Variants in PGM1 observed in about 807,000 individuals in gnomAD.
The protein encoded by PGM1 is phosphoglucomutase 1.
Under a neutral mutation model 55.6 loss-of-function variants are expected in PGM1, and 52 were observed. That is an observed-to-expected ratio of 0.94 (90% CI 0.75 to 1.18). The LOEUF is 1.18. Ranked by LOEUF, PGM1 falls within the 50% of genes most tolerant of loss-of-function variation. PGM1 has a pLI of 0.00. For missense variants in PGM1, 724 were observed against 729.3 expected, an observed-to-expected ratio of 0.99 and a Z score of 0.08; for synonymous variants, 287 against 271.7, an observed-to-expected ratio of 1.06 and a Z score of -0.55.
intron 7 of PGM1, 152 bp downstream of exon 7, chr1:63,638,952 C>G: frequency 1.4e-6 from 1 of 720,206 alleles, no homozygotes; most frequent in Non-Finnish European, 2.6e-6. Context: ...ATGAAATGTG[C>G]ACATTTGAAA....
In PGM1 at chr1:63,632,952, G is replaced by A. The variant is rs185862997; in HGVS notation, c.682+1170G>A. Among the ~76,000 whole-genome samples the A allele has an allele frequency of 2.6e-3, 397 of 152,302 alleles. 2 individuals are homozygous for A. The highest frequency in any genetic ancestry group is 0.012 in the South Asian group (56 of 4,824). Reference sequence around the variant, plus strand: ...GCAGGAGACTAGCTTGAATCCGGAAGGCGGAAGTTGTAGTGAGCGGAGATC... The same window carrying A: ...GCAGGAGACTAGCTTGAATCCGGAAAGCGGAAGTTGTAGTGAGCGGAGATC... On this transcript the variant is annotated intron_variant, in intron 4 of 10. Coordinates refer to ENST00000371084, the MANE Select transcript of PGM1 (RefSeq NM_002633.3).
At position 63,648,547 on chromosome 1, in the gene PGM1, T is replaced by G. The variant is rs749162319; in HGVS notation, c.1175T>G (p.Leu392Arg). ...GACCACATCCGTGAGAAAGATGGAC[T>G]GTGGGCTGTCCTTGCCTGGCTCTCC... is the stretch of plus-strand genomic sequence containing the variant. ...GSDHIREKDG[L>R]WAVLAWLSIL... Residue 392 changes from leucine (L) to arginine (R), a missense_variant, in exon 8 of 11, where the codon CTG becomes CGG. Around this residue, in one of 3 missense-constraint regions of PGM1, gnomAD observed 316 missense variants for 313.1 expected, o/e 1.01. Transcript: ENST00000371084. 1.2e-6 allele frequency: 2 copies of G among 1,614,082 alleles called. No individual in the cohort carries two copies. The highest frequency in any genetic ancestry group is 1.3e-5 in the African/African-American group (1 of 75,046).
rs201339298 is a variant in PGM1 at position 63,618,528 on chromosome 1, TC to T, written c.247-10890del. On this transcript the variant is annotated intron_variant, in intron 1 of 10. Transcript: ENST00000371084. The stretch of plus-strand genomic sequence containing the variant: ...TTCAAATGCCAAATATACCTAGTTT[TC>T]CCCCCCTTACTCCAAAAATATTAAT... 5.2e-3 allele frequency among the ~76,000 whole-genome samples: 790 copies of T among 152,180 alleles called. 9 individuals are homozygous for T. Among genetic ancestry groups the T allele is most frequent in the African/African-American group, 0.018 (758 of 41,504 alleles).
chr1:63,634,688 C>T, intron 4 of PGM1, 141 bp from the exon 5 acceptor site: 2 of 717,562 alleles, frequency 2.8e-6, no homozygotes, highest in Non-Finnish European at 2.5e-6. Flanking sequence ...TCCACTAGTC[C>T]CTGAACACAT....
intron 7 of PGM1, among the ~76,000 whole-genome samples, chr1:63,640,144 T>A (rs1421898284): frequency 1.3e-5 from 2 of 152,200 alleles, no homozygotes; most frequent in Non-Finnish European, 2.9e-5. Flanking sequence ...CCCATGAAAC[T>A]CCCCACAGGG....
At chr1:63,593,969 G>A in intron 1 of PGM1, 1 of 1,197,910 alleles carries the variant, frequency 8.3e-7, no homozygotes, top group Non-Finnish European at 1.0e-6. Flanking sequence ...GACTCCCGGG[G>A]CGCCGGGAGG....
chr1:63,594,960 CAAAAAAAAAA>C (rs56084088), intron 1 of PGM1, among the ~76,000 whole-genome samples: 1 of 93,120 alleles, frequency 1.1e-5, no homozygotes, highest in Non-Finnish European at 2.1e-5. Flanking sequence ...GACTCCGTCT[CAAAAAAAAAA>C]AAAAAGAAAA....
In PGM1 at chr1:63,648,389, C is replaced by T. The variant is rs78107456; in HGVS notation, c.1145-128C>T. On this transcript the variant is annotated intron_variant, in intron 7 of 10. Coordinates refer to ENST00000371084, the MANE Select transcript of PGM1 (RefSeq NM_002633.3). ...GGAACTTTGTCCCCCATGATCCAAT[C>T]ACTTCCCATCACGTCCCTCCCTCAA... The T allele has an allele frequency of 3.9e-5, 37 of 958,882 alleles. No individual in the cohort carries two copies. In the African/African-American group the frequency reaches 5.3e-4, roughly 14 times the overall value. The allele number at this position is 958,882 out of a possible 1,614,324, so 59.4% of individuals were successfully genotyped here.
chr1:63,593,755 C>A (rs773083978), intron 1 of PGM1, 21 bp downstream of exon 1: 19 of 1,574,416 alleles, frequency 1.2e-5, no homozygotes, highest in Non-Finnish European at 1.6e-5. Flanking sequence ...CGCGGCCCCG[C>A]GCCGCTGTGC....
intron 7 of PGM1, among the ~76,000 whole-genome samples, chr1:63,644,488 C>T (rs1159075503): frequency 6.6e-6 from 1 of 152,130 alleles, no homozygotes; most frequent in African/African-American, 2.4e-5. Context: ...GAGGAAAGAG[C>T]ATATTAGGTT....
At chr1:63,600,061 A>G (rs1454644413) in intron 1 of PGM1, 3 of 152,210 alleles carry the variant, frequency 2.0e-5, no homozygotes, top group Non-Finnish European at 2.9e-5. Flanking sequence ...CCTAAAACCA[A>G]TTATGTCTTG....
chr1:63,594,665 G>C (rs1267053971), intron 1 of PGM1, among the ~76,000 whole-genome samples: 1 of 151,818 alleles, frequency 6.6e-6, no homozygotes, highest in Non-Finnish European at 1.5e-5. Context: ...TGTGGGGCCG[G>C]GCATGGTGGC....
chr1:63,649,925 G>A (rs1159065157), intron 8 of PGM1, among the ~76,000 whole-genome samples: 1 of 152,180 alleles, frequency 6.6e-6, no homozygotes, highest in Non-Finnish European at 1.5e-5. Context: ...ACTCATAGTA[G>A]AGACTGCATA....
chr1:63,648,251 C>T (rs1052234360), intron 7 of PGM1, among the ~76,000 whole-genome samples: 1 of 152,258 alleles, frequency 6.6e-6, no homozygotes, highest in Non-Finnish European at 1.5e-5. Flanking sequence ...AAGAGGCAGC[C>T]GGCACCTTCT....
chr1:63,633,924 A>T (rs1557433684), intron 4 of PGM1, among the ~76,000 whole-genome samples: 3 of 67,356 alleles, frequency 4.5e-5, no homozygotes, highest in African/African-American at 2.7e-4. Flanking sequence ...GTGTGTATAT[A>T]TATATATATT....
rs756875667 is a variant in PGM1, at chr1:63,593,472, G to C, written c.-17G>C. ...AGCCAAGTCCGCCGCTCTGACCCCC[G>C]GCAGCAAGTCGCCACCATGGTGAAG... On this transcript the variant is annotated 5_prime_UTR_variant, in exon 1 of 11. Transcript: ENST00000371084. The C allele has an allele frequency of 7.4e-6, 12 of 1,613,392 alleles. 1 individual carries two copies. The South Asian group carries it at 1.2e-4, about 16-fold the overall frequency.
intron 10 of PGM1, chr1:63,656,044 C>A (rs1316763774): frequency 1.3e-5 from 2 of 152,006 alleles, no homozygotes; most frequent in Non-Finnish European, 2.9e-5. Flanking sequence ...AAGACCCCAT[C>A]TCTAAAAAAA....
chr1:63,605,283 T>C (rs1024622686), intron 1 of PGM1, among the ~76,000 whole-genome samples: 5 of 152,162 alleles, frequency 3.3e-5, no homozygotes, highest in African/African-American at 1.2e-4. Context: ...TCCTGGCTCT[T>C]TCACTGTACA....
At position 63,593,589 on chromosome 1, in the gene PGM1, A is replaced by G. The variant is rs377752912; in HGVS notation, c.101A>G (p.Asn34Ser). 3.1e-6 allele frequency: 5 copies of G among 1,613,696 alleles called. No homozygotes were observed. The East Asian group carries it at 6.7e-5, about 22-fold the overall frequency. Reference protein sequence around the residue: ...KRVKVFQSSANYAENFIQSII... With the variant: ...KRVKVFQSSASYAENFIQSII... ...GTGAAGGTGTTCCAGAGCAGCGCCA[A>G]CTACGCGGAGAACTTCATCCAGAGT... Residue 34 changes from asparagine (N) to serine (S), a missense_variant, in exon 1 of 11, where the codon AAC becomes AGC. Coordinates refer to ENST00000371084, the MANE Select transcript of PGM1 (RefSeq NM_002633.3).
Sources: allele counts gnomAD v4.1 joint callset (sites outside exome capture counted in the v4.1 genomes callset), GRCh38; gene constraint gnomAD v4.1.1; regional missense constraint gnomAD v4.1.1; transcripts MANE v1.5; gene names NCBI Gene and HGNC (gene_info 2026-07-23, HGNC 2026-07-21).